COPA: variants seen among roughly 807,000 people sequenced by gnomAD.
The protein encoded by COPA is coat protein complex I subunit alpha.
A neutral mutation model predicts 158.7 loss-of-function variants in COPA; 10 were observed. The ratio of observed to expected loss-of-function variants is 0.06; its 90% CI spans 0.04 to 0.11. The LOEUF is 0.11. Ranked by LOEUF, COPA falls within the 10% of genes least tolerant of loss-of-function variation. The pLI is 1.00. For synonymous variants in COPA, 462 were observed against 542.8 expected, an observed-to-expected ratio of 0.85 and a Z score of 2.07; for missense variants, 1,065 against 1,536.7, an observed-to-expected ratio of 0.69 and a Z score of 5.13.
At chr1:160,298,810 A>C in intron 19 of COPA, 35 bp downstream of exon 19, 1 of 1,613,012 alleles carries the variant, frequency 6.2e-7, no homozygotes, top group Non-Finnish European at 8.5e-7. Flanking sequence ...CTCACCTCTA[A>C]GACAATATGG....
chr1:160,324,047 G>T (rs1483499470), intron 7 of COPA, among the ~76,000 whole-genome samples: 12 of 152,056 alleles, frequency 7.9e-5, no homozygotes. Context: ...ATTTTTAGTA[G>T]AGATGGGGTT....
chr1:160,334,678 G>A (rs1338204182), intron 4 of COPA, among the ~76,000 whole-genome samples: 1 of 152,132 alleles, frequency 6.6e-6, no homozygotes, highest in Non-Finnish European at 1.5e-5. Context: ...GAACTATAAG[G>A]AGATCCTGTC....
chr1:160,290,366 C>T, intron 32 of COPA, 126 bp downstream of exon 32: 2 of 1,368,872 alleles, frequency 1.5e-6, no homozygotes, highest in East Asian at 2.3e-5. Flanking sequence ...GATGCTCTAG[C>T]TTTCTCCAGT....
chr1:160,294,380 G>A, intron 25 of COPA, 104 bp downstream of exon 25: 1 of 936,356 alleles, frequency 1.1e-6, no homozygotes, highest in Non-Finnish European at 1.7e-6. Context: ...ATAGTGGTAG[G>A]GGATAGGATA....
intron 19 of COPA, among the ~76,000 whole-genome samples, chr1:160,298,375 T>C (rs1238836965): frequency 2.0e-5 from 3 of 152,172 alleles, no homozygotes; most frequent in South Asian, 2.1e-4. Context: ...CCTGCCAGGT[T>C]TGAAGATCCA....
intron 15 of COPA, 143 bp from the exon 16 acceptor site, chr1:160,305,916 C>T: frequency 1.4e-6 from 1 of 712,640 alleles, no homozygotes; most frequent in South Asian, 1.8e-5. Flanking sequence ...TAATGTAATT[C>T]CTACATAGTA....
Position 160,293,221 on chromosome 1 carries a change from T to C in COPA, c.2768A>G (p.Asn923Ser). Reference protein sequence around the residue: ...GTSPTQIWCNNSQLPVDHILA... With the variant: ...GTSPTQIWCNSSQLPVDHILA... ...GATGTGATCAACTGGAAGCTGAGAG[T>C]TATTACACCAGATCTAACAAGAAAC... Residue 923 changes from asparagine to serine, a missense_variant, in exon 27 of 33, where the codon AAC becomes AGC. Physicochemically the swap from Asn to Ser is conservative, Grantham distance 46. This residue lies in a region of COPA where 980 missense variants were observed against 1,357.8 expected (regional missense o/e 0.72). Coordinates refer to ENST00000241704, the MANE Select transcript of COPA (RefSeq NM_004371.4). 1 of 1,614,020 alleles carries C rather than the reference T, an allele frequency of 6.2e-7. No homozygotes were observed. Among genetic ancestry groups the C allele is most frequent in the East Asian group, 2.2e-5 (1 of 44,874 alleles).
Position 160,308,878 on chromosome 1 carries a change from C to A in COPA, c.1219+223G>T, listed in dbSNP as rs552834616. 1.1e-5 allele frequency: 5 copies of A among 445,452 alleles called. No individual in the cohort carries two copies. In the Admixed American group the frequency reaches 1.2e-4, roughly 11 times the overall value. The allele number at this position is 445,452 out of a possible 1,614,324, so 27.6% of individuals were successfully genotyped here. A position where few individuals can be genotyped will look rare whatever the true frequency, so the allele number is the denominator to read the frequency against. Reference sequence around the variant, plus strand: ...AGAGAGAATGGAGAGTTTCTAATAACCAAATTATAAAATATATATATCTAG... The same window carrying A: ...AGAGAGAATGGAGAGTTTCTAATAAACAAATTATAAAATATATATATCTAG... On this transcript the variant is annotated intron_variant, in intron 13 of 32. Transcript: ENST00000241704.
In COPA at chr1:160,290,170, A is replaced by C. The variant is rs1227110286; in HGVS notation, c.3662T>G (p.Leu1221Arg). 6.2e-7 allele frequency: 1 copy of C among 1,614,230 alleles called. No individual in the cohort carries two copies. The highest frequency in any genetic ancestry group is 8.5e-7 in the Non-Finnish European group (1 of 1,180,032). ...ACAAAGGGGGCCTTAGCGAAACTGC[A>C]GAGGACTGATCCTTAAACCAATCAC... Reference protein sequence around the residue: ...KDVIGLRISPLQFR With the variant: ...KDVIGLRISPRQFR Residue 1221 changes from leucine (L) to arginine (R), a missense_variant, in exon 33 of 33, where the codon CTG becomes CGG. Coordinates refer to ENST00000241704, the MANE Select transcript of COPA (RefSeq NM_004371.4).
Position 160,323,536 on chromosome 1 carries a change from GAA to G in COPA, c.607-8_607-7del, listed in dbSNP as rs1553206195. The G allele has an allele frequency of 1.2e-6, 2 of 1,603,264 alleles. No homozygotes were observed. Among genetic ancestry groups the G allele is most frequent in the Non-Finnish European group, 1.7e-6 (2 of 1,173,606 alleles). On this transcript the variant is annotated splice_region_variant and splice_polypyrimidine_tract_variant and intron_variant, in intron 7 of 32. Coordinates refer to ENST00000241704, the MANE Select transcript of COPA (RefSeq NM_004371.4). ...TTTACTCCACGATCGTGACCCTGTAGAAAAGAGTGGTTCTTCTAAAACATCTT... is the reference window on the plus strand; with the variant it reads ...TTTACTCCACGATCGTGACCCTGTAGAAGAGTGGTTCTTCTAAAACATCTT...
intron 8 of COPA, 133 bp from the exon 9 acceptor site, chr1:160,314,258 G>T: frequency 1.2e-6 from 1 of 842,448 alleles, no homozygotes; most frequent in Non-Finnish European, 1.8e-6. Flanking sequence ...TTTCTAATAT[G>T]GCAATCTTCT....
intron 17 of COPA, among the ~76,000 whole-genome samples, 177 bp from the exon 18 acceptor site, chr1:160,299,441 G>A (rs943941033): frequency 2.6e-5 from 4 of 152,186 alleles, no homozygotes; most frequent in African/African-American, 4.8e-5. Context: ...TTTCTACGAT[G>A]GGGTAGATGG....
At chr1:160,328,397 T>C (rs1647355897) in intron 6 of COPA, among the ~76,000 whole-genome samples, 1 of 152,172 alleles carries the variant, frequency 6.6e-6, no homozygotes, top group African/African-American at 2.4e-5. Flanking sequence ...GACAGATGAA[T>C]GGTGACAGGC....
At chr1:160,320,348 G>A (rs1029395182) in intron 8 of COPA, among the ~76,000 whole-genome samples, 32 of 151,950 alleles carry the variant, frequency 2.1e-4, no homozygotes, top group African/African-American at 7.5e-4. Context: ...GGTGGCCCAC[G>A]TCTGTAATCC....
At position 160,299,198 on chromosome 1, in the gene COPA, T is replaced by C; in HGVS notation, c.1734A>G (p.Val578=). ...IYVTRVKGNN[V]YCLDRECRPR... ...GACGACACTCCCTGTCTAGGCAGTA[T>C]ACATTGTTGCCCTTCACCCGTGTGA... Residue 578 remains valine (V), a synonymous_variant, in exon 18 of 33, where the codon GTA becomes GTG. Transcript: ENST00000241704. 1.2e-6 allele frequency: 2 copies of C among 1,614,210 alleles called. No individual in the cohort carries two copies. Among genetic ancestry groups the C allele is most frequent in the South Asian group, 1.1e-5 (1 of 91,082 alleles).
intron 10 of COPA, among the ~76,000 whole-genome samples, chr1:160,312,425 G>GA (rs1055193220): frequency 6.6e-6 from 1 of 152,098 alleles, no homozygotes; most frequent in African/African-American, 2.4e-5. Context: ...AGTATTTACT[G>GA]AAAAAATGGA....
intron 3 of COPA, among the ~76,000 whole-genome samples, chr1:160,337,275 TCTTA>T (rs1230138762): frequency 6.6e-6 from 1 of 152,258 alleles, no homozygotes; most frequent in Non-Finnish European, 1.5e-5. Flanking sequence ...GGGCTCCTTG[TCTTA>T]CTCTTTGTCA....
intron 30 of COPA, 40 bp from the exon 31 acceptor site, chr1:160,291,536 A>T: frequency 6.3e-7 from 1 of 1,599,450 alleles, no homozygotes; most frequent in Non-Finnish European, 8.5e-7. Flanking sequence ...GGTTGATGCT[A>T]CACCTGGTAG....
chr1:160,290,344 G>T, intron 32 of COPA, 128 bp from the exon 33 acceptor site: 1 of 1,357,598 alleles, frequency 7.4e-7, no homozygotes. Flanking sequence ...GACTGGCCAA[G>T]AGCAGTGGGG....
Sources: allele counts gnomAD v4.1 joint callset (sites outside exome capture counted in the v4.1 genomes callset), GRCh38; gene constraint gnomAD v4.1.1; regional missense constraint gnomAD v4.1.1; transcripts MANE v1.5; gene names NCBI Gene and HGNC (gene_info 2026-07-23, HGNC 2026-07-21).